The following CLEC4A variants were observed in gnomAD, a reference collection of about 807,000 sequenced individuals.
The protein encoded by CLEC4A is C-type lectin domain family 4 member A, also known as C-type (calcium dependent, carbohydrate-recognition domain) lectin, superfamily member 6.
CLEC4A carries 27 observed loss-of-function variants against 32.7 expected under a neutral mutation model. That is an observed-to-expected ratio of 0.83 (90% CI 0.61 to 1.14). The LOEUF (loss-of-function observed/expected upper bound fraction) is 1.14. CLEC4A is among the 50% of genes most tolerant of loss of function. CLEC4A has a pLI of 0.00. For missense variants in CLEC4A, 253 were observed against 274.6 expected (o/e 0.92, Z 0.55); for synonymous variants, 89 against 93.7 (o/e 0.95, Z 0.29).
In CLEC4A at chr12:8,135,596, A is replaced by T. The variant is rs144530565; in HGVS notation, c.310A>T (p.Ser104Cys). ...TCTTCCCAATACAGAGACAGCCTGG[A>T]GCTGTTGCCCAAAGAATTGGAAGTC... ...KNMPVEETAWSCCPKNWKSFS... is the reference protein window; with the variant it reads ...KNMPVEETAWCCCPKNWKSFS... Residue 104 changes from serine (S) to cysteine (C), a missense_variant, in exon 4 of 6, where the codon AGC becomes TGC. Coordinates refer to ENST00000229332, the MANE Select transcript of CLEC4A (RefSeq NM_016184.4). 9.9e-6 allele frequency: 16 copies of T among 1,614,086 alleles called. No homozygotes were observed. In the African/African-American group the frequency reaches 1.9e-4, roughly 19 times the overall value.
In CLEC4A at chr12:8,138,435, A is replaced by T; in HGVS notation, c.*148A>T. On this transcript the variant is annotated 3_prime_UTR_variant, in exon 6 of 6. Coordinates refer to ENST00000229332, the MANE Select transcript of CLEC4A (RefSeq NM_016184.4). Reference sequence around the variant, plus strand: ...TACTTATGAGAGAATTGGTCTGTACATTGACTGATTCACTTTTTCATAAAG... The same window carrying T: ...TACTTATGAGAGAATTGGTCTGTACTTTGACTGATTCACTTTTTCATAAAG... 1 of 930,854 alleles carries T rather than the reference A, an allele frequency of 1.1e-6. No homozygotes were observed. Among genetic ancestry groups the T allele is most frequent in the South Asian group, 1.8e-5 (1 of 56,604 alleles). 57.7% of individuals were successfully genotyped at this position (930,854 alleles called of 1,614,324 possible).
upstream of CLEC4A, among the ~76,000 whole-genome samples, chr12:8,118,876 A>C (rs185202746): frequency 6.6e-6 from 1 of 152,330 alleles, no homozygotes; most frequent in Admixed American, 6.5e-5. Flanking sequence ...CCTATAAAAA[A>C]GGCATCATGC....
chr12:8,134,790 C>G (rs973142429), intron 3 of CLEC4A: 1 of 1,552,218 alleles, frequency 6.4e-7, no homozygotes, highest in Non-Finnish European at 8.7e-7. Context: ...CCCCCCTGGC[C>G]CATCACCTCC....
chr12:8,123,557 CTTTT>C (rs1365231805), upstream of CLEC4A: 1 of 213,702 alleles, frequency 4.7e-6, no homozygotes, highest in Non-Finnish European at 9.3e-6. Context: ...CTTGGTTCTT[CTTTT>C]ATTTTTCTTC....
At chr12:8,136,426 A>G (rs1333537996) in intron 4 of CLEC4A, among the ~76,000 whole-genome samples, 1 of 152,056 alleles carries the variant, frequency 6.6e-6, no homozygotes, top group Non-Finnish European at 1.5e-5. Flanking sequence ...TTAGCCAGGC[A>G]TGGTGGCACA....
intron 4 of CLEC4A, 48 bp downstream of exon 4, chr12:8,135,784 A>G (rs747240032): frequency 1.3e-6 from 2 of 1,588,466 alleles, no homozygotes; most frequent in South Asian, 1.1e-5. Context: ...TGATCTTTGT[A>G]TATCTCTCTT....
intron 3 of CLEC4A, among the ~76,000 whole-genome samples, chr12:8,135,186 C>T (rs1175199603): frequency 6.8e-6 from 1 of 146,684 alleles, no homozygotes; most frequent in Non-Finnish European, 1.5e-5. Flanking sequence ...GTGCCCGGCC[C>T]CATTTTTGTT....
chr12:8,121,823 G>A (rs182611834), upstream of CLEC4A: 1 of 152,702 alleles, frequency 6.5e-6, no homozygotes, highest in Admixed American at 6.6e-5. Flanking sequence ...ATCCATGTAT[G>A]AGGTTACCTT....
chr12:8,135,453 C>T, intron 3 of CLEC4A, 132 bp from the exon 4 acceptor site: 1 of 836,486 alleles, frequency 1.2e-6, no homozygotes, highest in South Asian at 2.2e-5. Context: ...GGCAGGGGCT[C>T]CTGGTTGCAT....
At chr12:8,106,783 CT>C in the CLEC4A span, among the ~76,000 whole-genome samples, 1 of 152,128 alleles carries the variant, frequency 6.6e-6, no homozygotes. Context: ...TGGGCAGAGA[CT>C]GTGGGTTTTC....
At chr12:8,130,123 A>T (rs1947972678) in intron 3 of CLEC4A, among the ~76,000 whole-genome samples, 1 of 152,218 alleles carries the variant, frequency 6.6e-6, no homozygotes, top group Admixed American at 6.5e-5. Flanking sequence ...GGCGTGAGCC[A>T]CGGTGCCTGG....
chr12:8,112,114 A>G, the CLEC4A span, among the ~76,000 whole-genome samples: 1 of 152,026 alleles, frequency 6.6e-6, no homozygotes. Context: ...GATTACAGGC[A>G]TGCACCACCA....
intron 3 of CLEC4A, chr12:8,134,976 T>TTTTTTTTG (rs1452705134): frequency 0.021 from 6,381 of 309,546 alleles, 691 homozygotes; most frequent in Non-Finnish European, 0.025. Flanking sequence ...TTGAAGCGTT[T>TTTTTTTTG]TTGTTTTTTG....
chr12:8,116,417 T>C, the CLEC4A span, among the ~76,000 whole-genome samples: 1 of 152,154 alleles, frequency 6.6e-6, no homozygotes, highest in Non-Finnish European at 1.5e-5. Flanking sequence ...TAGGTATACA[T>C]TAAGGGCCGA....
the CLEC4A span, among the ~76,000 whole-genome samples, chr12:8,111,179 T>C: frequency 1.7e-4 from 1 of 5,808 alleles, no homozygotes; most frequent in Non-Finnish European, 2.5e-3. Flanking sequence ...GCCCAACATC[T>C]TTTTTTTTTT....
At chr12:8,103,659 C>A in the CLEC4A span, among the ~76,000 whole-genome samples, 6 of 152,192 alleles carry the variant, frequency 3.9e-5, no homozygotes. Context: ...ACTGGGATTA[C>A]AGGCGTGAGC....
the CLEC4A span, among the ~76,000 whole-genome samples, chr12:8,117,005 T>A: frequency 6.6e-6 from 1 of 152,192 alleles, no homozygotes; most frequent in Non-Finnish European, 1.5e-5. Flanking sequence ...AACCATCGAG[T>A]CCAACTAAAA....
At position 8,129,355 on chromosome 12, in the gene CLEC4A, C is replaced by T. The variant is rs112355715; in HGVS notation, c.291C>T (p.Pro97=). The change falls in exon 3 of 6, where the codon CCC becomes CCT. Residue 97 remains proline, a synonymous_variant. Transcript: ENST00000229332. ...TGGAGTGTGTGAAAAAAAATATGCCCGTGGAAGGTAAAAATTAATGTGCCT... is the reference window on the plus strand; with the variant it reads ...TGGAGTGTGTGAAAAAAAATATGCCTGTGGAAGGTAAAAATTAATGTGCCT... ...TTLECVKKNM[P]VEETAWSCCP... is the part of the protein sequence containing the mutation. 1.9e-5 allele frequency: 30 copies of T among 1,599,136 alleles called. No individual in the cohort carries two copies. The highest frequency in any genetic ancestry group is 1.7e-4 in the Middle Eastern group (1 of 6,036).
chr12:8,124,658 G>A (rs1947872282), intron 1 of CLEC4A, among the ~76,000 whole-genome samples: 1 of 152,124 alleles, frequency 6.6e-6, no homozygotes, highest in African/African-American at 2.4e-5. Flanking sequence ...AACTATGGGG[G>A]AAGGGGTCAG....
Sources: gnomAD v4.1 joint callset for allele counts (sites outside exome capture counted in the v4.1 genomes callset) on GRCh38, gnomAD v4.1.1 for gene constraint, MANE v1.5 for transcripts, NCBI Gene and HGNC (gene_info 2026-07-23, HGNC 2026-07-21) for gene names.